The following HECW1 variants were observed in gnomAD, a reference collection of about 807,000 sequenced individuals.
HECW1 encodes HECT, C2 and WW domain containing E3 ubiquitin protein ligase 1, also known as E3 ubiquitin-protein ligase HECW1.
Under a neutral mutation model 182.3 loss-of-function variants are expected in HECW1, and 61 were observed. The observed-to-expected ratio is 0.33, with a 90% CI of 0.27 to 0.41. The LOEUF is 0.41. Among genes scored for constraint, HECW1 ranks in the 10% least tolerant of loss-of-function variants. HECW1 has a pLI of 1.00. For synonymous variants in HECW1, 859 were observed against 832.6 expected (o/e 1.03, Z -0.55); for missense variants, 1,739 against 2,108.9 (o/e 0.82, Z 3.44).
At chr7:43,167,980 A>G (rs1339403579) in intron 2 of HECW1, among the ~76,000 whole-genome samples, 3 of 152,116 alleles carry the variant, frequency 2.0e-5, no homozygotes, top group African/African-American at 7.2e-5. Context: ...CACATCACAC[A>G]TACCCCTCAC....
At chr7:43,390,468 G>C (rs2074980058) in intron 6 of HECW1, among the ~76,000 whole-genome samples, 1 of 149,140 alleles carries the variant, frequency 6.7e-6, no homozygotes, top group Non-Finnish European at 1.5e-5. Context: ...TTGAGTCTAG[G>C]AAGTCAAAGC....
chr7:43,124,910 C>T (rs886656234), intron 2 of HECW1, among the ~76,000 whole-genome samples: 38 of 152,242 alleles, frequency 2.5e-4, no homozygotes, highest in African/African-American at 8.9e-4. Context: ...CAATTTGCAA[C>T]CTCTGCTGTA....
At chr7:43,390,421 G>A (rs2074977965) in intron 6 of HECW1, among the ~76,000 whole-genome samples, 3 of 151,840 alleles carry the variant, frequency 2.0e-5, no homozygotes, top group Admixed American at 2.0e-4. Context: ...CACATCTGTA[G>A]TCCCAGCTAC....
At chr7:43,140,535 G>C (rs111671101) in intron 2 of HECW1, among the ~76,000 whole-genome samples, 1 of 152,150 alleles carries the variant, frequency 6.6e-6, no homozygotes, top group Non-Finnish European at 1.5e-5. Flanking sequence ...TCTGGCCTTC[G>C]TGGTCCCTCA....
intron 8 of HECW1, among the ~76,000 whole-genome samples, chr7:43,425,083 T>C (rs1311461520): frequency 6.6e-6 from 1 of 152,142 alleles, no homozygotes; most frequent in African/African-American, 2.4e-5. Context: ...GGGGATATTA[T>C]GCAGCCTGCC....
At chr7:43,155,487 T>C (rs1789785332) in intron 2 of HECW1, among the ~76,000 whole-genome samples, 1 of 152,214 alleles carries the variant, frequency 6.6e-6, no homozygotes, top group Non-Finnish European at 1.5e-5. Context: ...ATTCATCTTA[T>C]AAGGAAATTG....
chr7:43,503,370 G>C (rs1424972434), intron 21 of HECW1, among the ~76,000 whole-genome samples: 1 of 152,220 alleles, frequency 6.6e-6, no homozygotes, highest in Non-Finnish European at 1.5e-5. Context: ...ATGTTGTAGA[G>C]ATTGTCCCAG....
intron 17 of HECW1, among the ~76,000 whole-genome samples, chr7:43,491,045 A>G (rs1293052404): frequency 9.2e-5 from 14 of 152,162 alleles, no homozygotes; most frequent in Non-Finnish European, 1.9e-4. Context: ...GAGCCACCGC[A>G]CTGGCAAAAT....
In HECW1 at chr7:43,408,758, A is replaced by G. The variant is rs186356924; in HGVS notation, c.801+1027A>G. The stretch of plus-strand genomic sequence containing the variant: ...CCCTGCCAGACCTGAGCTTGAAGCT[A>G]TAACCTCCAAACCATGTGACTGAGG... On this transcript the variant is annotated intron_variant, in intron 8 of 29. Transcript: ENST00000395891. 2.0e-5 allele frequency among the ~76,000 whole-genome samples: 3 copies of G among 152,306 alleles called. No homozygotes were observed. In the East Asian group the frequency reaches 5.8e-4, roughly 29 times the overall value.
chr7:43,379,982 A>G (rs570456901), intron 6 of HECW1, among the ~76,000 whole-genome samples: 2 of 152,378 alleles, frequency 1.3e-5, no homozygotes, highest in South Asian at 2.1e-4. Flanking sequence ...CAGACGGCCC[A>G]TAAAACATTT....
intron 5 of HECW1, among the ~76,000 whole-genome samples, chr7:43,342,798 G>T (rs751121218): frequency 1.5e-4 from 23 of 151,848 alleles, no homozygotes; most frequent in Admixed American, 4.6e-4. Context: ...GGCGCAGGCA[G>T]GCAGATCATG....
intron 5 of HECW1, among the ~76,000 whole-genome samples, chr7:43,338,449 C>A (rs979293775): frequency 3.3e-5 from 5 of 152,046 alleles, no homozygotes; most frequent in African/African-American, 1.2e-4. Context: ...TTACTTTCTG[C>A]TCTTTATTCT....
chr7:43,262,462 C>T (rs907235937), intron 3 of HECW1, among the ~76,000 whole-genome samples: 4 of 151,966 alleles, frequency 2.6e-5, no homozygotes, highest in African/African-American at 9.7e-5. Flanking sequence ...CTGGGCTTTC[C>T]CAGGACCCTA....
At chr7:43,258,771 C>CAA (rs553834970) in intron 3 of HECW1, 138 of 151,892 alleles carry the variant, frequency 9.1e-4, no homozygotes, top group African/African-American at 3.2e-3. Context: ...TTTTGGTTGG[C>CAA]AAAAAGAGAC....
chr7:43,358,818 CT>C (rs572118397), intron 5 of HECW1, among the ~76,000 whole-genome samples: 1,594 of 93,396 alleles, frequency 0.017, 12 homozygotes, highest in Middle Eastern at 0.045. Context: ...AAAATATATT[CT>C]TTTTTTTTTT....
chr7:43,466,668 C>T, intron 15 of HECW1, 100 bp downstream of exon 15: 1 of 1,340,146 alleles, frequency 7.5e-7, no homozygotes, highest in Non-Finnish European at 1.0e-6. Context: ...AGAATTTTAA[C>T]ATAAGCAAGA....
intron 16 of HECW1, among the ~76,000 whole-genome samples, chr7:43,472,647 A>T (rs1357007987): frequency 2.0e-5 from 3 of 152,012 alleles, no homozygotes; most frequent in African/African-American, 7.2e-5. Context: ...TTTAAAACAA[A>T]TTATTAAGGT....
intron 2 of HECW1, among the ~76,000 whole-genome samples, chr7:43,160,254 A>G (rs1453778444): frequency 6.6e-6 from 1 of 152,100 alleles, no homozygotes; most frequent in Non-Finnish European, 1.5e-5. Flanking sequence ...ACATATTTTC[A>G]ATATTTCCCC....
At position 43,311,868 on chromosome 7, in the gene HECW1, C is replaced by T. The variant is rs1468092243; in HGVS notation, c.133C>T (p.Pro45Ser). Residue 45 changes from proline to serine, a missense_variant, in exon 4 of 30, where the codon CCC becomes TCC. Around this residue, in one of 5 missense-constraint regions of HECW1, gnomAD observed 279 missense variants for 353.1 expected, o/e 0.79. Coordinates refer to ENST00000395891, the MANE Select transcript of HECW1 (RefSeq NM_015052.5). ...CKEPLRYSYN[P>S]DQFHNMDLRG... ...GGAGCCGCTCCGATACAGCTACAACCCCGACCAGTTCCACAACATGGACCT... is the reference window on the plus strand; with the variant it reads ...GGAGCCGCTCCGATACAGCTACAACTCCGACCAGTTCCACAACATGGACCT... 1.2e-6 allele frequency: 2 copies of T among 1,614,114 alleles called. No individual in the cohort carries two copies. The highest frequency in any genetic ancestry group is 3.3e-5 in the Admixed American group (2 of 60,012).
Sources: gnomAD v4.1 joint callset for allele counts (sites outside exome capture counted in the v4.1 genomes callset) on GRCh38, gnomAD v4.1.1 for gene constraint, gnomAD v4.1.1 regional missense constraint, MANE v1.5 for transcripts, NCBI Gene and HGNC (gene_info 2026-07-23, HGNC 2026-07-21) for gene names.